Variants in STIMATE observed in about 807,000 individuals in gnomAD.
STIMATE encodes store-operated calcium entry regulator STIMATE.
A neutral mutation model predicts 36.7 loss-of-function variants in STIMATE; 15 were observed. The ratio of observed to expected loss-of-function variants is 0.41; its 90% confidence interval spans 0.27 to 0.63. The LOEUF is 0.63. STIMATE is among the 20% of genes least tolerant of loss of function. STIMATE has a pLI of 0.32. For missense variants in STIMATE, 305 were observed against 397.3 expected, an observed-to-expected ratio of 0.77 and a Z score of 1.98; for synonymous variants, 163 against 162.3, an observed-to-expected ratio of 1.00 and a Z score of -0.03.
At chr3:52,848,736 G>A (rs1474282136) in intron 4 of STIMATE, among the ~76,000 whole-genome samples, 2 of 152,130 alleles carry the variant, frequency 1.3e-5, no homozygotes, top group African/African-American at 2.4e-5. Context: ...CTGGTCCCCC[G>A]ACTGTGGTCC....
At chr3:52,863,697 T>A (rs1701255503) in intron 1 of STIMATE, among the ~76,000 whole-genome samples, 1 of 152,204 alleles carries the variant, frequency 6.6e-6, no homozygotes, top group Non-Finnish European at 1.5e-5. Flanking sequence ...TATGAGCCTG[T>A]AAAATCAAAA....
Position 52,840,344 on chromosome 3 carries a change from G to T in STIMATE, c.*150C>A. 1.1e-6 allele frequency: 1 copy of T among 914,508 alleles called. No homozygotes were observed. Among genetic ancestry groups the T allele is most frequent in the Non-Finnish European group, 1.6e-6 (1 of 615,814 alleles). The allele number at this position is 914,508 out of a possible 1,614,324, so 56.6% of individuals were successfully genotyped here. A position where few individuals can be genotyped will look rare whatever the true frequency, so the allele number is the denominator to read the frequency against. On this transcript the variant is annotated 3_prime_UTR_variant, in exon 8 of 8. Transcript: ENST00000355083. ...TCTTCCCTCTTTTTAAGTCACAGTA[G>T]TCTGGGGGCAGGCGAGAGCGGGCAG...
chr3:52,889,136 T>TA (rs1223514933), intron 1 of STIMATE, among the ~76,000 whole-genome samples: 4 of 152,204 alleles, frequency 2.6e-5, no homozygotes, highest in African/African-American at 4.8e-5. Context: ...GGGGCTGCAG[T>TA]AAGTCAGCGG....
At position 52,897,295 on chromosome 3, in the gene STIMATE, T is replaced by C; in HGVS notation, c.156A>G (p.Leu52=). 2 of 1,549,894 alleles carry C rather than the reference T, an allele frequency of 1.3e-6. No individual in the cohort carries two copies. Among genetic ancestry groups the C allele is most frequent in the Non-Finnish European group, 1.7e-6 (2 of 1,155,186 alleles). ...GLLGVVAFST[L]MLKRFREPKH... Reference sequence around the variant, plus strand: ...GTCGGGGGGTCCCAGACTCACGCATTAACGTGCTGAAGGCCACGACGCCGA... The same window carrying C: ...GTCGGGGGGTCCCAGACTCACGCATCAACGTGCTGAAGGCCACGACGCCGA... The change falls in exon 1 of 8, where the codon TTA becomes TTG. Residue 52 remains leucine (L), a synonymous_variant. Transcript: ENST00000355083.
chr3:52,863,239 G>A (rs1283667932), intron 1 of STIMATE, among the ~76,000 whole-genome samples: 1 of 152,196 alleles, frequency 6.6e-6, no homozygotes, highest in Non-Finnish European at 1.5e-5. Context: ...AAGAAAAAGA[G>A]GTTTAATTGG....
chr3:52,868,861 C>A (rs1018274686), intron 1 of STIMATE, among the ~76,000 whole-genome samples: 2 of 152,168 alleles, frequency 1.3e-5, no homozygotes, highest in Non-Finnish European at 2.9e-5. Context: ...CATAAGTGAT[C>A]CGCCTGCCTT....
chr3:52,885,113 TGTG>T (rs1251722690), intron 1 of STIMATE, among the ~76,000 whole-genome samples: 1 of 152,242 alleles, frequency 6.6e-6, no homozygotes, highest in African/African-American at 2.4e-5. Flanking sequence ...ATTCTTGTCT[TGTG>T]GGTATATATT....
intron 4 of STIMATE, chr3:52,847,273 T>C: frequency 3.4e-6 from 4 of 1,169,388 alleles, no homozygotes; most frequent in Non-Finnish European, 4.3e-6. Flanking sequence ...TTTGTTTGGG[T>C]TTAATTATTT....
At chr3:52,840,952 T>A (rs1487674810) in intron 7 of STIMATE, among the ~76,000 whole-genome samples, 2 of 152,170 alleles carry the variant, frequency 1.3e-5, no homozygotes, top group East Asian at 3.8e-4. Context: ...GTAATCCACC[T>A]GCTTCGGACT....
chr3:52,877,570 G>C (rs975175923), intron 1 of STIMATE, among the ~76,000 whole-genome samples: 2 of 151,132 alleles, frequency 1.3e-5, no homozygotes, highest in South Asian at 2.1e-4. Flanking sequence ...GAAAGTCTCC[G>C]GTGAGCCATT....
At chr3:52,889,404 G>A (rs1701745616) in intron 1 of STIMATE, among the ~76,000 whole-genome samples, 1 of 152,190 alleles carries the variant, frequency 6.6e-6, no homozygotes, top group Non-Finnish European at 1.5e-5. Context: ...CTCCACATCT[G>A]TGTGGACTAT....
chr3:52,853,458 TCTC>T (rs1211601808), intron 2 of STIMATE, among the ~76,000 whole-genome samples: 3 of 152,234 alleles, frequency 2.0e-5, no homozygotes, highest in African/African-American at 7.2e-5. Flanking sequence ...AGGTAGCCAT[TCTC>T]CTCTGTGGTC....
In STIMATE at chr3:52,897,264, C is replaced by T. The variant is rs1161208568; in HGVS notation, c.160+27G>A. The T allele has an allele frequency of 3.9e-6, 6 of 1,533,584 alleles. No homozygotes were observed. The East Asian group carries it at 9.9e-5, about 25-fold the overall frequency. 95.0% of individuals were successfully genotyped at this position (1,533,584 alleles called of 1,614,324 possible). ...GGCCGCGGCTGCCGCGCAGGGCCTC[C>T]GGAGGGTCGGGGGGTCCCAGACTCA... On this transcript the variant is annotated intron_variant, in intron 1 of 7. Coordinates refer to ENST00000355083, the MANE Select transcript of STIMATE (RefSeq NM_198563.5).
intron 1 of STIMATE, among the ~76,000 whole-genome samples, chr3:52,881,563 C>T (rs970941950): frequency 1.4e-4 from 22 of 151,750 alleles, no homozygotes; most frequent in African/African-American, 5.3e-4. Context: ...ATTAGCTGGG[C>T]GTGGTGGTGG....
intron 3 of STIMATE, among the ~76,000 whole-genome samples, chr3:52,851,890 A>T (rs1019142287): frequency 2.0e-5 from 3 of 152,202 alleles, no homozygotes; most frequent in Admixed American, 6.5e-5. Context: ...ATGACTCCTG[A>T]GCGGTGTGAA....
intron 1 of STIMATE, among the ~76,000 whole-genome samples, chr3:52,859,292 G>C (rs893237028): frequency 2.0e-5 from 3 of 150,508 alleles, no homozygotes; most frequent in Admixed American, 6.6e-5. Flanking sequence ...CCATGATTCT[G>C]TTCATGTCCA....
chr3:52,897,537 G>C lies in STIMATE; in HGVS notation c.-87C>G. On this transcript the variant is annotated 5_prime_UTR_variant, in exon 1 of 8. The change creates a new upstream start codon in the 5' untranslated region. Coordinates refer to ENST00000355083, the MANE Select transcript of STIMATE (RefSeq NM_198563.5). ...GCAGCGCCGCCAAACCCGCAGCCGG[G>C]ATCCCAAGCCTGAGCCGGTACCTCC... The C allele has an allele frequency of 8.5e-7, 1 of 1,179,298 alleles. No individual in the cohort carries two copies. Among genetic ancestry groups the C allele is most frequent in the Non-Finnish European group, 1.0e-6 (1 of 955,060 alleles). The allele number at this position is 1,179,298 out of a possible 1,614,324, so 73.1% of individuals were successfully genotyped here. A position where few individuals can be genotyped will look rare whatever the true frequency, so the allele number is the denominator to read the frequency against.
Position 52,839,778 on chromosome 3 carries a change from A to C in STIMATE, c.*716T>G, listed in dbSNP as rs1700763988. The C allele has an allele frequency of 6.6e-6, 1 of 152,412 alleles. No individual in the cohort carries two copies. The highest frequency in any genetic ancestry group is 1.5e-5 in the Non-Finnish European group (1 of 68,038). 9.4% of individuals were successfully genotyped at this position (152,412 alleles called of 1,614,324 possible). A position where few individuals can be genotyped will look rare whatever the true frequency, so the allele number is the denominator to read the frequency against. Reference sequence around the variant, plus strand: ...TCCCGATTTTTCCTCCTGCCAGCCCACACCCCATGAAAGGCAAATAAACCC... The same window carrying C: ...TCCCGATTTTTCCTCCTGCCAGCCCCCACCCCATGAAAGGCAAATAAACCC... On this transcript the variant is annotated 3_prime_UTR_variant, in exon 8 of 8. Coordinates refer to ENST00000355083, the MANE Select transcript of STIMATE (RefSeq NM_198563.5).
At position 52,837,758 on chromosome 3, in the gene STIMATE, C is replaced by T. The variant is rs571118488; in HGVS notation, c.*2736G>A. The T allele has an allele frequency of 6.6e-6, 1 of 152,372 alleles. No homozygotes were observed. The highest frequency in any genetic ancestry group is 2.1e-4 in the South Asian group (1 of 4,828). 9.4% of individuals were successfully genotyped at this position (152,372 alleles called of 1,614,324 possible). A position where few individuals can be genotyped will look rare whatever the true frequency, so the allele number is the denominator to read the frequency against. On this transcript the variant is annotated 3_prime_UTR_variant, in exon 8 of 8. Coordinates refer to ENST00000355083, the MANE Select transcript of STIMATE (RefSeq NM_198563.5). ...AGCACACAATATCCAGCCAACGTCC[C>T]ACCATTTCTCAACACGGTGATGGAT...
Sources: gnomAD v4.1 joint callset for allele counts (sites outside exome capture counted in the v4.1 genomes callset) on GRCh38, gnomAD v4.1.1 for gene constraint, MANE v1.5 for transcripts, NCBI Gene and HGNC (gene_info 2026-07-23, HGNC 2026-07-21) for gene names.